LRRC4B: variants seen among roughly 807,000 people sequenced by gnomAD.
The protein encoded by LRRC4B is leucine-rich repeat-containing protein 4B.
Under a neutral mutation model 7.3 loss-of-function variants are expected in LRRC4B, and 1 was observed. That is an observed-to-expected ratio of 0.14 (90% CI 0.05 to 0.65). The LOEUF (loss-of-function observed/expected upper bound fraction) is 0.65, where lower values mean the gene tolerates loss of function less well. Ranked by LOEUF, LRRC4B falls within the 30% of genes least tolerant of loss-of-function variation. LRRC4B has a pLI of 0.84. For synonymous variants in LRRC4B, 500 were observed against 499.2 expected, an observed-to-expected ratio of 1.00 and a Z score of -0.02; for missense variants, 730 against 1,041.6, an observed-to-expected ratio of 0.70 and a Z score of 4.12.
chr19:50,517,675 C>T lies in LRRC4B; in HGVS notation c.2038G>A (p.Gly680Ser). 6.5e-7 allele frequency: 1 copy of T among 1,536,816 alleles called. No homozygotes were observed. Among genetic ancestry groups the T allele is most frequent in the Non-Finnish European group, 8.7e-7 (1 of 1,145,032 alleles). ...GGGCCTTTGCCCCCGCAGCCCCCGC[C>T]GCTGGGGTTGCTGCTGTAGTGCGCC... ...FKAHYSSNPSGGGCGGKGPPG... is the reference protein window; with the variant it reads ...FKAHYSSNPSSGGCGGKGPPG... Residue 680 changes from glycine to serine, a missense_variant, in exon 3 of 3, where the codon GGC (glycine) becomes AGC (serine). Transcript: ENST00000652263. This position sits in a 1 kb window ranked among gnomAD's most constrained non-coding sequence, Gnocchi z 6.6.
intron 2 of LRRC4B, among the ~76,000 whole-genome samples, chr19:50,546,521 G>A (rs1165000999): frequency 6.6e-6 from 1 of 152,090 alleles, no homozygotes. Flanking sequence ...GGGGCAGGGG[G>A]CGGTGCAAGA....
At position 50,517,406 on chromosome 19, in the gene LRRC4B, G is replaced by A. The variant is rs1177764969; in HGVS notation, c.*165C>T. Reference sequence around the variant, plus strand: ...CCTGGAGCCCCACCCTGTCCTTACTGGGGGTCCGAGCCCCAGATGGGGCTG... The same window carrying A: ...CCTGGAGCCCCACCCTGTCCTTACTAGGGGTCCGAGCCCCAGATGGGGCTG... On this transcript the variant is annotated 3_prime_UTR_variant, in exon 3 of 3. Coordinates refer to ENST00000652263, the MANE Select transcript of LRRC4B (RefSeq NM_001080457.2). This position sits in a 1 kb window ranked among gnomAD's most constrained non-coding sequence, Gnocchi z 6.6. 4 of 512,154 alleles carry A rather than the reference G, an allele frequency of 7.8e-6. No individual in the cohort carries two copies. The highest frequency in any genetic ancestry group is 2.0e-5 in the African/African-American group (1 of 50,430). 31.7% of individuals were successfully genotyped at this position (512,154 alleles called of 1,614,324 possible).
chr19:50,530,767 G>A (rs111915002), intron 2 of LRRC4B, among the ~76,000 whole-genome samples: 55 of 150,754 alleles, frequency 3.6e-4, no homozygotes, highest in African/African-American at 1.2e-3. Flanking sequence ...ATGGAGTTTC[G>A]CTGTTTTCAC....
In LRRC4B at chr19:50,553,574, A is replaced by C. The variant is rs543274839; in HGVS notation, c.-35-4701T>G. Reference sequence around the variant, plus strand: ...GTCCGTGCTCCAATGCTACCTTCTCAGTGAGGCCGTCCTGACCGCCCCGCA... The same window carrying C: ...GTCCGTGCTCCAATGCTACCTTCTCCGTGAGGCCGTCCTGACCGCCCCGCA... On this transcript the variant is annotated intron_variant, in intron 1 of 2. Coordinates refer to ENST00000652263, the MANE Select transcript of LRRC4B (RefSeq NM_001080457.2). This position sits in a 1 kb window ranked among gnomAD's most constrained non-coding sequence, Gnocchi z 4.2. Among the ~76,000 whole-genome samples, 210 of 152,246 alleles carry C rather than the reference A, an allele frequency of 1.4e-3. 1 individual carries two copies. The highest frequency in any genetic ancestry group is 4.6e-3 in the African/African-American group (191 of 41,522).
rs771713321 is a variant in LRRC4B at position 50,518,339 on chromosome 19, G to A, written c.1374C>T (p.Pro458=). 3.7e-6 allele frequency: 6 copies of A among 1,606,250 alleles called. No homozygotes were observed. The highest frequency in any genetic ancestry group is 1.1e-5 in the South Asian group (1 of 90,516). Residue 458 remains proline, a synonymous_variant, in exon 3 of 3, where the codon CCC becomes CCT. Transcript: ENST00000652263. The part of the protein sequence containing the change: ...SATLNVSAVD[P]VAAGGTGSGG... The stretch of plus-strand genomic sequence containing the variant: ...CGCTGCCGGTGCCCCCGGCCGCCAC[G>A]GGGTCCACGGCCGAGACGTTGAGCG...
intron 1 of LRRC4B, among the ~76,000 whole-genome samples, chr19:50,550,518 C>T (rs772070210): frequency 7.2e-5 from 11 of 152,148 alleles, no homozygotes; most frequent in Non-Finnish European, 1.2e-4. Flanking sequence ...CCCAGGCACA[C>T]GGCTATGCAC....
At chr19:50,542,969 C>T (rs1033674930) in intron 2 of LRRC4B, among the ~76,000 whole-genome samples, 1 of 152,184 alleles carries the variant, frequency 6.6e-6, no homozygotes, top group African/African-American at 2.4e-5. Flanking sequence ...GCTGCCCACA[C>T]CGCACCCAGG....
At chr19:50,535,117 C>T (rs1445868696) in intron 2 of LRRC4B, among the ~76,000 whole-genome samples, 1 of 152,132 alleles carries the variant, frequency 6.6e-6, no homozygotes, top group Admixed American at 6.6e-5. Flanking sequence ...ATCTGCCCGC[C>T]TTGGCCTCCC....
chr19:50,542,744 T>G (rs1981606621), intron 2 of LRRC4B, among the ~76,000 whole-genome samples: 1 of 152,084 alleles, frequency 6.6e-6, no homozygotes, highest in Admixed American at 6.6e-5. Context: ...TCCAAAGTAC[T>G]GGGATTACAG....
chr19:50,531,720 G>C (rs780202588), intron 2 of LRRC4B, among the ~76,000 whole-genome samples: 13 of 152,108 alleles, frequency 8.5e-5, no homozygotes, highest in Non-Finnish European at 1.5e-4. Flanking sequence ...TTGAATCCTG[G>C]CTTTGCTGCT....
At chr19:50,530,385 G>A (rs1981004314) in intron 2 of LRRC4B, among the ~76,000 whole-genome samples, 1 of 152,138 alleles carries the variant, frequency 6.6e-6, no homozygotes. Context: ...CGTTAGCCAG[G>A]ATCAGTCCTT....
rs962200445 is a variant in LRRC4B, at chr19:50,519,710, C to A, written c.298-295G>T. ...TGGACAACATGGTGAAACCCTGTCT[C>A]TACTAAAAATACAAAAATTAGCCAG... On this transcript the variant is annotated intron_variant, in intron 2 of 2. Transcript: ENST00000652263. The surrounding 1 kb of genome is among the most constrained non-coding windows in gnomAD (Gnocchi z 8.1). 2.6e-5 allele frequency among the ~76,000 whole-genome samples: 4 copies of A among 151,864 alleles called. No individual in the cohort carries two copies. The highest frequency in any genetic ancestry group is 7.3e-5 in the African/African-American group (3 of 41,310).
intron 1 of LRRC4B, among the ~76,000 whole-genome samples, chr19:50,561,309 C>G (rs1282722783): frequency 6.6e-6 from 1 of 152,094 alleles, no homozygotes; most frequent in Admixed American, 6.5e-5. Context: ...CCTACAACCC[C>G]CACGTCGGTG....
chr19:50,519,534 G>A lies in LRRC4B; in HGVS notation c.298-119C>T, dbSNP rs529452372. ...TGGATCTCCCGTGCTGTGCTGTGAC[G>A]GTACGACCTATATTGCAACATGGTT... On this transcript the variant is annotated intron_variant, in intron 2 of 2. Coordinates refer to ENST00000652263, the MANE Select transcript of LRRC4B (RefSeq NM_001080457.2). The surrounding 1 kb of genome is among the most constrained non-coding windows in gnomAD (Gnocchi z 8.1). The A allele has an allele frequency of 2.1e-6, 3 of 1,433,672 alleles. No homozygotes were observed. The highest frequency in any genetic ancestry group is 5.0e-5 in the East Asian group (2 of 39,980). 88.8% of individuals were successfully genotyped at this position (1,433,672 alleles called of 1,614,324 possible).
At chr19:50,565,030 C>T (rs1982583180) in intron 1 of LRRC4B, among the ~76,000 whole-genome samples, 1 of 152,160 alleles carries the variant, frequency 6.6e-6, no homozygotes, top group African/African-American at 2.4e-5. Context: ...ATTCTGCTGA[C>T]CTCTCGGACG....
intron 2 of LRRC4B, among the ~76,000 whole-genome samples, chr19:50,545,922 C>T (rs1363017496): frequency 2.0e-5 from 3 of 151,782 alleles, no homozygotes; most frequent in Non-Finnish European, 4.4e-5. Flanking sequence ...TGGGGATTTG[C>T]TGTGTGGCTC....
chr19:50,550,349 C>T (rs1340479797), intron 1 of LRRC4B, among the ~76,000 whole-genome samples: 1 of 152,084 alleles, frequency 6.6e-6, no homozygotes, highest in Non-Finnish European at 1.5e-5. Context: ...ACAGGCCAAC[C>T]CCAAACCATT....
chr19:50,520,294 G>GA (rs897769758), intron 2 of LRRC4B, among the ~76,000 whole-genome samples: 1 of 134,442 alleles, frequency 7.4e-6, no homozygotes, highest in Non-Finnish European at 1.6e-5. Flanking sequence ...GAAAAAAAGA[G>GA]AAAAAAAGAT....
intron 1 of LRRC4B, among the ~76,000 whole-genome samples, chr19:50,551,503 T>G (rs1260306208): frequency 3.0e-5 from 3 of 101,220 alleles, no homozygotes; most frequent in African/African-American, 1.2e-4. Context: ...GCCTCCTTTC[T>G]CTCCACCCAC....
Sources: allele counts gnomAD v4.1 joint callset (sites outside exome capture counted in the v4.1 genomes callset), GRCh38; gene constraint gnomAD v4.1.1; non-coding constraint Gnocchi (gnomAD v3.1); transcripts MANE v1.5; gene names NCBI Gene and HGNC (gene_info 2026-07-23, HGNC 2026-07-21).